Variants in TGFBI observed in about 807,000 individuals in gnomAD.
TGFBI encodes the protein transforming growth factor-beta-induced protein ig-h3.
Under a neutral mutation model 73.7 loss-of-function variants are expected in TGFBI, and 50 were observed. The ratio of observed to expected loss-of-function variants is 0.68; its 90% CI spans 0.54 to 0.86. TGFBI has a LOEUF of 0.86. Among genes scored for constraint, TGFBI ranks in the 40% least tolerant of loss-of-function variants. The probability of loss-of-function intolerance (pLI) is 0.00; values close to 1 mark genes in which losing one functional copy is unlikely to be tolerated. For missense variants in TGFBI, 839 were observed against 877.0 expected (o/e 0.96, Z 0.55); for synonymous variants, 362 against 360.5 (o/e 1.00, Z -0.05).
At position 136,029,108 on chromosome 5, in the gene TGFBI, C is replaced by T. The variant is rs759135120; in HGVS notation, c.53C>T (p.Pro18Leu). ...LALALALALG[P>L]AATLAGPAKS... ...CTCGCCCTGGCTCTGGCCCTGGGCCCCGCCGCGACCCTGGCGGGTCCCGCC... is the reference window on the plus strand; with the variant it reads ...CTCGCCCTGGCTCTGGCCCTGGGCCTCGCCGCGACCCTGGCGGGTCCCGCC... The change falls in exon 1 of 17, where the codon CCC becomes CTC. Residue 18 changes from proline (P) to leucine (L), a missense_variant. Coordinates refer to ENST00000442011, the MANE Select transcript of TGFBI (RefSeq NM_000358.3). 5 of 1,525,912 alleles carry T rather than the reference C, an allele frequency of 3.3e-6. No individual in the cohort carries two copies. In the African/African-American group the frequency reaches 7.0e-5, roughly 21 times the overall value. 94.5% of individuals were successfully genotyped at this position (1,525,912 alleles called of 1,614,324 possible).
At chr5:136,041,323 TGGTTGTTG>T (rs1460422885) in intron 2 of TGFBI, among the ~76,000 whole-genome samples, 1 of 152,162 alleles carries the variant, frequency 6.6e-6, no homozygotes, top group African/African-American at 2.4e-5. Context: ...GACTGAGCCT[TGGTTGTTG>T]GGCATGTGCT....
At chr5:136,046,685 G>A (rs547269711) in intron 4 of TGFBI, 166 bp from the exon 5 acceptor site, 69 of 1,208,416 alleles carry the variant, frequency 5.7e-5, no homozygotes, top group Middle Eastern at 5.8e-4. Flanking sequence ...AATGCCCCCC[G>A]TTCCCTACTG....
At chr5:136,054,590 C>T (rs1002264589) in intron 9 of TGFBI, 126 bp from the exon 10 acceptor site, 1 of 1,250,568 alleles carries the variant, frequency 8.0e-7, no homozygotes, top group African/African-American at 1.5e-5. Context: ...GGCAGCTTCA[C>T]TTGGTTTCTC....
At chr5:136,029,926 T>C (rs1220205074) in intron 1 of TGFBI, among the ~76,000 whole-genome samples, 2 of 152,144 alleles carry the variant, frequency 1.3e-5, no homozygotes, top group East Asian at 1.9e-4. Context: ...TAGGACACTA[T>C]CATTGCAGGA....
chr5:136,036,334 A>C (rs1374479313), intron 2 of TGFBI, among the ~76,000 whole-genome samples: 3 of 152,186 alleles, frequency 2.0e-5, no homozygotes, highest in Non-Finnish European at 2.9e-5. Flanking sequence ...TCAACTCTTG[A>C]ATTTGTGGCC....
Position 136,049,470 on chromosome 5 carries a change from T to A in TGFBI, c.803T>A (p.Met268Lys), listed in dbSNP as rs1464785067. 6.2e-7 allele frequency: 1 copy of A among 1,614,010 alleles called. No homozygotes were observed. Residue 268 changes from methionine to lysine, a missense_variant, in exon 7 of 17, where the codon ATG becomes AAG. By Grantham distance (95) the Met-to-Lys change is moderately conservative. Coordinates refer to ENST00000442011, the MANE Select transcript of TGFBI (RefSeq NM_000358.3). ...GTGGCTGCATCAGGGCTCAACACGATGCTTGAAGGTAACGGCCAGTACACG... is the reference window on the plus strand; with the variant it reads ...GTGGCTGCATCAGGGCTCAACACGAAGCTTGAAGGTAACGGCCAGTACACG... ...AAVAASGLNT[M>K]LEGNGQYTLL... is the part of the protein sequence containing the mutation.
At chr5:136,057,336 A>G (rs1395919075) in intron 12 of TGFBI, among the ~76,000 whole-genome samples, 1 of 152,192 alleles carries the variant, frequency 6.6e-6, no homozygotes. Context: ...GCACAGTGAT[A>G]ATAAAGCCAG....
At chr5:136,048,154 T>G (rs1751467607) in intron 6 of TGFBI, 1 of 152,220 alleles carries the variant, frequency 6.6e-6, no homozygotes. Context: ...ACGCTGGGGC[T>G]GGCTGGCACT....
At chr5:136,048,249 G>A (rs895942073) in intron 6 of TGFBI, 1 of 152,226 alleles carries the variant, frequency 6.6e-6, no homozygotes, top group African/African-American at 2.4e-5. Context: ...TGGGTTGCTC[G>A]AAGGACGGGG....
In TGFBI at chr5:136,059,080, C is replaced by T. The variant is rs1751700219; in HGVS notation, c.1679-10C>T. ...GGATTAACTCTATCTCCTTTTCCCG[C>T]AACCTGCAGGAGATGCCAAGGAACT... On this transcript the variant is annotated splice_polypyrimidine_tract_variant and intron_variant, in intron 12 of 16. Coordinates refer to ENST00000442011, the MANE Select transcript of TGFBI (RefSeq NM_000358.3). The T allele has an allele frequency of 2.5e-6, 4 of 1,609,766 alleles. No individual in the cohort carries two copies.
chr5:136,062,580 G>A, intron 15 of TGFBI, 83 bp from the exon 16 acceptor site: 2 of 1,388,252 alleles, frequency 1.4e-6, no homozygotes, highest in Non-Finnish European at 2.0e-6. Flanking sequence ...CTGAGTAGGG[G>A]TGGCAATGGG....
chr5:136,040,158 C>G (rs1182183406), intron 2 of TGFBI, among the ~76,000 whole-genome samples: 1 of 152,234 alleles, frequency 6.6e-6, no homozygotes, highest in Admixed American at 6.5e-5. Flanking sequence ...CAGTACTTCT[C>G]TCTATCCAAT....
intron 12 of TGFBI, 30 bp downstream of exon 12, chr5:136,056,825 T>A: frequency 6.3e-7 from 1 of 1,590,340 alleles, no homozygotes; most frequent in Non-Finnish European, 8.6e-7. Flanking sequence ...CACGTCTCCA[T>A]TTTTCTAAAG....
chr5:136,030,791 C>G (rs1751107260), intron 1 of TGFBI, among the ~76,000 whole-genome samples: 1 of 152,110 alleles, frequency 6.6e-6, no homozygotes, highest in Non-Finnish European at 1.5e-5. Context: ...TCTTCTGTAT[C>G]TTCGCCACTA....
At chr5:136,059,020 T>C in intron 12 of TGFBI, 70 bp from the exon 13 acceptor site, 2 of 1,554,406 alleles carry the variant, frequency 1.3e-6, no homozygotes, top group Non-Finnish European at 1.7e-6. Flanking sequence ...TCTTCTCCTC[T>C]GGGCCCTCCT....
At chr5:136,043,605 C>T (rs1296450160) in intron 2 of TGFBI, among the ~76,000 whole-genome samples, 3 of 152,062 alleles carry the variant, frequency 2.0e-5, no homozygotes, top group Non-Finnish European at 4.4e-5. Flanking sequence ...AAACTGAGAC[C>T]CAGAGAGATG....
intron 12 of TGFBI, among the ~76,000 whole-genome samples, chr5:136,057,788 G>A (rs771158311): frequency 9.2e-5 from 14 of 152,146 alleles, no homozygotes; most frequent in Non-Finnish European, 1.6e-4. Context: ...TTCGTGTCCT[G>A]TTTAATTTTC....
chr5:136,030,589 G>T (rs1751101303), intron 1 of TGFBI, among the ~76,000 whole-genome samples: 2 of 152,170 alleles, frequency 1.3e-5, no homozygotes, highest in Admixed American at 1.3e-4. Context: ...AATCAGCTTT[G>T]ACTTGGGCAG....
At chr5:136,046,252 C>G in intron 3 of TGFBI, 83 bp from the exon 4 acceptor site, 2 of 1,539,436 alleles carry the variant, frequency 1.3e-6, no homozygotes, top group Non-Finnish European at 1.8e-6. Context: ...TGTAGATGTA[C>G]CGTGCTCTCT....
Sources: allele counts gnomAD v4.1 joint callset (sites outside exome capture counted in the v4.1 genomes callset), GRCh38; gene constraint gnomAD v4.1.1; transcripts MANE v1.5; gene names NCBI Gene and HGNC (gene_info 2026-07-23, HGNC 2026-07-21).